FERRY3: variants seen among roughly 807,000 people sequenced by gnomAD.
FERRY3 encodes the protein FERRY endosomal RAB5 effector complex subunit 3.
the FERRY3 span, among the ~76,000 whole-genome samples, chr12:4,505,624 A>G: frequency 1.3e-5 from 2 of 152,222 alleles, no homozygotes; most frequent in African/African-American, 4.8e-5. Flanking sequence ...AGAGGCTTGG[A>G]TGGGTTAACT....
the FERRY3 span, among the ~76,000 whole-genome samples, chr12:4,499,839 G>A: frequency 7.9e-3 from 1,196 of 152,208 alleles, 9 homozygotes; most frequent in African/African-American, 0.023. Flanking sequence ...AGACAGGGAA[G>A]AGGAGGAAAA....
the FERRY3 span, chr12:4,491,034 T>G: frequency 1.4e-6 from 1 of 714,876 alleles, no homozygotes; most frequent in East Asian, 2.5e-5. Context: ...AAAAGTCTAT[T>G]ATGAAATATT....
the FERRY3 span, among the ~76,000 whole-genome samples, chr12:4,506,791 T>C: frequency 1.3e-5 from 2 of 152,162 alleles, no homozygotes; most frequent in East Asian, 1.9e-4. Context: ...AATATGAAGA[T>C]GTTAATATAA....
the FERRY3 span, among the ~76,000 whole-genome samples, chr12:4,510,625 A>T: frequency 2.6e-4 from 39 of 151,644 alleles, no homozygotes; most frequent in Admixed American, 2.2e-3. Context: ...TCAACCCAGA[A>T]TTTCATATCC....
chr12:4,518,919 TC>T, the FERRY3 span: 2 of 1,356,476 alleles, frequency 1.5e-6, no homozygotes, highest in Non-Finnish European at 2.0e-6. Context: ...TTTATGTTTG[TC>T]AAAAACTTTT....
the FERRY3 span, chr12:4,500,023 G>A: frequency 2.1e-6 from 2 of 963,714 alleles, no homozygotes; most frequent in Non-Finnish European, 3.1e-6. Context: ...GATCGGAGAT[G>A]CAAAAATCCA....
At chr12:4,503,960 C>T in the FERRY3 span, among the ~76,000 whole-genome samples, 2 of 152,084 alleles carry the variant, frequency 1.3e-5, no homozygotes, top group African/African-American at 2.4e-5. Flanking sequence ...ATTGTGGATC[C>T]ATGAAGAGAA....
chr12:4,526,466 TAACA>T, the FERRY3 span, among the ~76,000 whole-genome samples: 1 of 152,206 alleles, frequency 6.6e-6, no homozygotes, highest in South Asian at 2.1e-4. Context: ...AACAAATTTC[TAACA>T]AACTGGGAAA....
the FERRY3 span, chr12:4,536,069 A>G: frequency 6.2e-7 from 1 of 1,608,598 alleles, no homozygotes; most frequent in Non-Finnish European, 8.5e-7. Context: ...GTCCATGCAA[A>G]TGACTGGCAT....
chr12:4,501,862 C>CT, the FERRY3 span, among the ~76,000 whole-genome samples: 1 of 152,214 alleles, frequency 6.6e-6, no homozygotes, highest in African/African-American at 2.4e-5. Context: ...AAACTGGTCC[C>CT]TGGTGCTGGT....
At chr12:4,493,277 AG>A in the FERRY3 span, among the ~76,000 whole-genome samples, 1 of 152,192 alleles carries the variant, frequency 6.6e-6, no homozygotes, top group South Asian at 2.1e-4. Context: ...TTCTTGATTA[AG>A]TTGTGTGCTC....
the FERRY3 span, among the ~76,000 whole-genome samples, chr12:4,525,874 T>C: frequency 2.0e-5 from 3 of 152,200 alleles, no homozygotes; most frequent in Non-Finnish European, 2.9e-5. Context: ...TCAATTACCA[T>C]GGCTAATGTT....
At chr12:4,513,287 A>T in the FERRY3 span, among the ~76,000 whole-genome samples, 1 of 150,884 alleles carries the variant, frequency 6.6e-6, no homozygotes, top group African/African-American at 2.4e-5. Flanking sequence ...GGGTAGGAAG[A>T]ATCAATATCG....
the FERRY3 span, among the ~76,000 whole-genome samples, chr12:4,493,733 T>C: frequency 6.6e-6 from 1 of 152,152 alleles, no homozygotes; most frequent in Non-Finnish European, 1.5e-5. Flanking sequence ...GACAAGTGTT[T>C]GGTTTTTTTG....
At chr12:4,528,499 T>A in the FERRY3 span, among the ~76,000 whole-genome samples, 1 of 152,078 alleles carries the variant, frequency 6.6e-6, no homozygotes, top group Non-Finnish European at 1.5e-5. Context: ...CAAAAAGGAA[T>A]AAACTGCCCC....
At chr12:4,529,618 T>G in the FERRY3 span, among the ~76,000 whole-genome samples, 1 of 152,194 alleles carries the variant, frequency 6.6e-6, no homozygotes, top group African/African-American at 2.4e-5. Flanking sequence ...TCTATTCCTC[T>G]TATTAGAGAT....
At chr12:4,504,983 T>C in the FERRY3 span, among the ~76,000 whole-genome samples, 1 of 152,150 alleles carries the variant, frequency 6.6e-6, no homozygotes, top group Non-Finnish European at 1.5e-5. Context: ...CGTGGGCCTG[T>C]AGTCCCAGCT....
the FERRY3 span, among the ~76,000 whole-genome samples, chr12:4,490,098 T>G: frequency 1.3e-5 from 2 of 152,294 alleles, no homozygotes; most frequent in Non-Finnish European, 1.5e-5. Flanking sequence ...TGAGAACTTA[T>G]GTCATTTCTG....
At chr12:4,495,253 A>G in the FERRY3 span, among the ~76,000 whole-genome samples, 2 of 152,334 alleles carry the variant, frequency 1.3e-5, no homozygotes, top group Admixed American at 1.3e-4. Flanking sequence ...TGTAGGAATA[A>G]ATACTATTGT....
Sources: gnomAD v4.1 joint callset for allele counts (sites outside exome capture counted in the v4.1 genomes callset) on GRCh38, gnomAD v4.1.1 for gene constraint, MANE v1.5 for transcripts, NCBI Gene and HGNC (gene_info 2026-07-23, HGNC 2026-07-21) for gene names.